The following ODF2 variants were observed in gnomAD, a reference collection of about 807,000 sequenced individuals.
ODF2 encodes outer dense fiber protein 2.
ODF2 carries 47 observed loss-of-function variants against 110.2 expected under a neutral mutation model. The ratio of observed to expected loss-of-function variants is 0.43; its 90% CI spans 0.34 to 0.54. The LOEUF is 0.54. ODF2 is among the 20% of genes least tolerant of loss of function. ODF2 has a pLI of 0.03. For missense variants in ODF2, 812 were observed against 1,054.5 expected (o/e 0.77, Z 3.19); for synonymous variants, 352 against 397.7 (o/e 0.89, Z 1.37).
rs1840154595 is a variant in ODF2 at position 128,472,108 on chromosome 9, G to A, written c.581+640G>A. Among the ~76,000 whole-genome samples, 3 of 152,126 alleles carry A rather than the reference G, an allele frequency of 2.0e-5. 1 individual carries two copies. In the South Asian group the frequency reaches 6.2e-4, roughly 32 times the overall value. ...AGCCTGGCCAACATGGTGAAACCCT[G>A]TCTCTACTAAAAATACAAAAATTAA... On this transcript the variant is annotated intron_variant, in intron 6 of 20. Transcript: ENST00000604420.
intron 1 of ODF2, chr9:128,456,770 C>T (rs1255004538): frequency 1.5e-6 from 2 of 1,296,940 alleles, no homozygotes; most frequent in Non-Finnish European, 2.0e-6. Context: ...GGGGGGGGTC[C>T]CGCCCGCCCC....
chr9:128,469,441 C>CAGACGCA, intron 5 of ODF2, 88 bp downstream of exon 5: 2 of 1,400,362 alleles, frequency 1.4e-6, no homozygotes, highest in Non-Finnish European at 2.0e-6. Flanking sequence ...CCTCAGCCTG[C>CAGACGCA]GTCTGCAGGC....
intron 4 of ODF2, among the ~76,000 whole-genome samples, chr9:128,468,696 G>C (rs7023205): frequency 4.6e-5 from 7 of 151,880 alleles, no homozygotes; most frequent in African/African-American, 1.7e-4. Context: ...CTAAGTTTGT[G>C]TTTTTAGTAG....
At chr9:128,498,346 C>T in intron 18 of ODF2, 67 bp from the exon 19 acceptor site, 1 of 1,435,080 alleles carries the variant, frequency 7.0e-7, no homozygotes, top group Non-Finnish European at 9.2e-7. Context: ...AGGCTGGCAG[C>T]CCCCTGGCGG....
At chr9:128,477,194 C>G (rs2131880415) in intron 8 of ODF2, among the ~76,000 whole-genome samples, 1 of 148,784 alleles carries the variant, frequency 6.7e-6, no homozygotes, top group South Asian at 2.1e-4. Flanking sequence ...GATTGCACCA[C>G]TATACTCCAG....
intron 11 of ODF2, 85 bp downstream of exon 11, chr9:128,484,139 A>G: frequency 2.1e-6 from 2 of 954,670 alleles, no homozygotes; most frequent in South Asian, 2.6e-5. Context: ...TATCACACTC[A>G]GGAAGTGTGC....
Position 128,500,156 on chromosome 9 carries a change from CCAGTTCCTCA to C in ODF2, c.2392_2401del (p.Gln798AsnfsTer17). 1 of 1,614,274 alleles carries C rather than the reference CCAGTTCCTCA, an allele frequency of 6.2e-7. No individual in the cohort carries two copies. The highest frequency in any genetic ancestry group is 1.3e-5 in the African/African-American group (1 of 75,066). ...CCAACCGCAGCATGCAGAACTACGTCCAGTTCCTCAAATCATCATACGCCAACGTGTTTGG... is the reference window on the plus strand; with the variant it reads ...CCAACCGCAGCATGCAGAACTACGTCAATCATCATACGCCAACGTGTTTGG... On this transcript the variant is annotated frameshift_variant, in exon 21 of 21. Transcript: ENST00000604420. LOFTEE classifies it high-confidence loss of function.
chr9:128,479,123 T>C (rs1841935617), intron 8 of ODF2, among the ~76,000 whole-genome samples: 1 of 152,202 alleles, frequency 6.6e-6, no homozygotes, highest in Non-Finnish European at 1.5e-5. Context: ...CTTTGCCTCT[T>C]GTTGCCAGAG....
rs527883472 is a variant in ODF2, at chr9:128,495,773, C to T, written c.1912-268C>T. On this transcript the variant is annotated intron_variant, in intron 17 of 20. Transcript: ENST00000604420. ...TGTCCTGGATCCTAGCTGGGTCTCTCTGAGTGGCCTCCCCTGATCGAGAAA... is the reference window on the plus strand; with the variant it reads ...TGTCCTGGATCCTAGCTGGGTCTCTTTGAGTGGCCTCCCCTGATCGAGAAA... Among the ~76,000 whole-genome samples the T allele has an allele frequency of 4.6e-5, 7 of 152,294 alleles. No individual in the cohort carries two copies. The East Asian group carries it at 1.4e-3, about 29-fold the overall frequency.
At chr9:128,496,657 C>A (rs1328884499) in intron 18 of ODF2, among the ~76,000 whole-genome samples, 1 of 152,244 alleles carries the variant, frequency 6.6e-6, no homozygotes, top group Non-Finnish European at 1.5e-5. Flanking sequence ...TTGAGCAAAT[C>A]ATTTAATTCC....
rs182872584 is a variant in ODF2, at chr9:128,468,787, G to A, written c.250-396G>A. ...TCCACCCGCCTCAGCCTCCCAAAGCGCTGGGATTGCAGATGTGAGCCACCA... is the reference window on the plus strand; with the variant it reads ...TCCACCCGCCTCAGCCTCCCAAAGCACTGGGATTGCAGATGTGAGCCACCA... On this transcript the variant is annotated intron_variant, in intron 4 of 20. Coordinates refer to ENST00000604420, the Ensembl canonical transcript of ODF2. Among the ~76,000 whole-genome samples, 15 of 152,286 alleles carry A rather than the reference G, an allele frequency of 9.8e-5. No homozygotes were observed. In the East Asian group the frequency reaches 1.9e-3, roughly 20 times the overall value.
At chr9:128,479,947 C>T (rs902750605) in intron 8 of ODF2, among the ~76,000 whole-genome samples, 29 of 152,058 alleles carry the variant, frequency 1.9e-4, no homozygotes, top group African/African-American at 6.8e-4. Context: ...ATACTAAATG[C>T]CACTGAATTT....
intron 8 of ODF2, among the ~76,000 whole-genome samples, chr9:128,478,336 G>A (rs1357952370): frequency 1.3e-5 from 2 of 152,098 alleles, no homozygotes; most frequent in Non-Finnish European, 1.5e-5. Context: ...GGCGGCTCAC[G>A]CCTGTGATCC....
At chr9:128,477,968 C>T (rs1841661973) in intron 8 of ODF2, among the ~76,000 whole-genome samples, 1 of 151,920 alleles carries the variant, frequency 6.6e-6, no homozygotes, top group Non-Finnish European at 1.5e-5. Flanking sequence ...TTTGCAATAA[C>T]CTTGTCTCCC....
chr9:128,459,380 T>G (rs1835808828), intron 2 of ODF2, among the ~76,000 whole-genome samples, 187 bp from the exon 2 acceptor site: 1 of 152,172 alleles, frequency 6.6e-6, no homozygotes, highest in Admixed American at 6.6e-5. Context: ...GTCACCCTAT[T>G]TCCATCCCAC....
At position 128,468,530 on chromosome 9, in the gene ODF2, A is replaced by T. The variant is rs75607785; in HGVS notation, c.250-653A>T. ...AGGCATGTGCCACTACACCCACCTG[A>T]TTTTTTTTTTTAGAAGGAGTTTCGT... On this transcript the variant is annotated intron_variant, in intron 4 of 20. Transcript: ENST00000604420. Among the ~76,000 whole-genome samples the T allele has an allele frequency of 1.2e-3, 169 of 146,024 alleles. 1 individual carries two copies. The highest frequency in any genetic ancestry group is 2.3e-3 in the Non-Finnish European group (153 of 65,982).
chr9:128,461,733 T>C (rs965988162), intron 4 of ODF2, among the ~76,000 whole-genome samples: 1 of 152,144 alleles, frequency 6.6e-6, no homozygotes, highest in African/African-American at 2.4e-5. Flanking sequence ...TTTCTTATAG[T>C]TTATTACATT....
rs1381916511 is a variant in ODF2, at chr9:128,485,649, G to A, written c.1400+175G>A. 6.6e-6 allele frequency among the ~76,000 whole-genome samples: 1 copy of A among 152,150 alleles called. No individual in the cohort carries two copies. Among genetic ancestry groups the A allele is most frequent in the African/African-American group, 2.4e-5 (1 of 41,420 alleles). On this transcript the variant is annotated intron_variant, in intron 13 of 20. Transcript: ENST00000604420. This position sits in a 1 kb window ranked among gnomAD's most constrained non-coding sequence, Gnocchi z 5.0. ...TGAGCTGGGCTTTCTGGTTGGAGCT[G>A]GGGTGCAAGCTCTGGCCCTAGTCCT...
At chr9:128,500,944 G>C (rs1346417351), downstream of ODF2, 1 of 152,168 alleles carries the variant, frequency 6.6e-6, no homozygotes, top group Non-Finnish European at 1.5e-5. Context: ...TTTACAAAAA[G>C]CTTTTGTAAT....
Sources: gnomAD v4.1 joint callset for allele counts (sites outside exome capture counted in the v4.1 genomes callset) on GRCh38, gnomAD v4.1.1 for gene constraint, Gnocchi (gnomAD v3.1) non-coding constraint, MANE v1.5 for transcripts, NCBI Gene and HGNC (gene_info 2026-07-23, HGNC 2026-07-21) for gene names.